RASGRF2: variants seen among roughly 807,000 people sequenced by gnomAD.
RASGRF2 encodes the protein Ras protein specific guanine nucleotide releasing factor 2, also known as ras-specific guanine nucleotide-releasing factor 2.
A neutral mutation model predicts 151.0 loss-of-function variants in RASGRF2; 76 were observed. That is an observed-to-expected ratio of 0.50 (90% confidence interval 0.42 to 0.61). The LOEUF (loss-of-function observed/expected upper bound fraction) is 0.61. RASGRF2 is among the 20% of genes least tolerant of loss of function. The pLI is 0.00. For missense variants in RASGRF2, 1,148 were observed against 1,564.6 expected, an observed-to-expected ratio of 0.73 and a Z score of 4.49; for synonymous variants, 504 against 566.5, an observed-to-expected ratio of 0.89 and a Z score of 1.57.
chr5:81,174,016 G>A lies in RASGRF2; in HGVS notation c.2687-6159G>A, dbSNP rs572178924. ...AGAATGAAGAAAGGAAGAATATCTC[G>A]GAGACAATAACTGAAACCCATATGT... On this transcript the variant is annotated intron_variant, in intron 17 of 26. Transcript: ENST00000265080. Among the ~76,000 whole-genome samples the A allele has an allele frequency of 3.9e-5, 6 of 152,292 alleles. No individual in the cohort carries two copies. In the East Asian group the frequency reaches 5.8e-4, roughly 15 times the overall value.
intron 17 of RASGRF2, among the ~76,000 whole-genome samples, chr5:81,144,881 C>G (rs981182521): frequency 6.6e-6 from 1 of 152,084 alleles, no homozygotes; most frequent in African/African-American, 2.4e-5. Context: ...AACCACCACC[C>G]TACTCTGCTT....
At chr5:80,979,324 G>A (rs1436671900) in intron 1 of RASGRF2, among the ~76,000 whole-genome samples, 1 of 152,170 alleles carries the variant, frequency 6.6e-6, no homozygotes, top group Admixed American at 6.5e-5. Context: ...AAATATAGTA[G>A]TCTAATTTCT....
chr5:81,095,641 T>C (rs927206903), intron 12 of RASGRF2, among the ~76,000 whole-genome samples: 1 of 152,332 alleles, frequency 6.6e-6, no homozygotes, highest in East Asian at 1.9e-4. Context: ...AGGGGAAAAG[T>C]GTTGCTATGT....
At position 80,969,479 on chromosome 5, in the gene RASGRF2, C is replaced by T. The variant is rs1459408804; in HGVS notation, c.288+8453C>T. 1.9e-4 allele frequency among the ~76,000 whole-genome samples: 28 copies of T among 146,100 alleles called. No individual in the cohort carries two copies. In the Admixed American group the frequency reaches 1.9e-3, roughly 10 times the overall value. ...CTTTTTTTTTTTTGAGACAGAGTCT[C>T]ACTCTGTCACCCACGCTGGAGTGCA... On this transcript the variant is annotated intron_variant, in intron 1 of 26. Transcript: ENST00000265080.
At position 81,059,714 on chromosome 5, in the gene RASGRF2, G is replaced by A. The variant is rs576836287; in HGVS notation, c.396-8318G>A. Among the ~76,000 whole-genome samples, 6 of 151,240 alleles carry A rather than the reference G, an allele frequency of 4.0e-5. No individual in the cohort carries two copies. The East Asian group carries it at 5.9e-4, about 15-fold the overall frequency. ...ATAAAAATTAGCCAGGCATGGTGGC[G>A]GGCACCTGTAATCCCAGCTATTCAG... is the stretch of plus-strand genomic sequence containing the variant. On this transcript the variant is annotated intron_variant, in intron 2 of 26. Transcript: ENST00000265080.
chr5:81,208,332 G>C, intron 21 of RASGRF2, 22 bp from the exon 22 acceptor site: 2 of 1,602,432 alleles, frequency 1.2e-6, no homozygotes, highest in African/African-American at 1.3e-5. Flanking sequence ...AATTGGTTTT[G>C]TGTTTTGTTT....
intron 15 of RASGRF2, among the ~76,000 whole-genome samples, chr5:81,120,002 C>A (rs1163389379): frequency 6.6e-6 from 1 of 152,116 alleles, no homozygotes; most frequent in African/African-American, 2.4e-5. Context: ...GGGCCCATGG[C>A]ACTTGGTGAA....
chr5:80,995,395 T>TAC (rs1748810984), intron 1 of RASGRF2, among the ~76,000 whole-genome samples: 1 of 53,556 alleles, frequency 1.9e-5, no homozygotes, highest in African/African-American at 5.7e-5. Flanking sequence ...TATATATATA[T>TAC]ATATACACAC....
chr5:81,136,005 T>A (rs973246936), intron 17 of RASGRF2, among the ~76,000 whole-genome samples: 2 of 152,196 alleles, frequency 1.3e-5, no homozygotes, highest in South Asian at 2.1e-4. Context: ...AATCATCCAA[T>A]ACATTGTTAT....
Position 81,042,984 on chromosome 5 carries a change from G to GTA in RASGRF2, c.395+4_395+5dup, listed in dbSNP as rs762918682. On this transcript the variant is annotated splice_donor_variant, in intron 2 of 26. Coordinates refer to ENST00000265080, the MANE Select transcript of RASGRF2 (RefSeq NM_006909.3). LOFTEE classifies it high-confidence loss of function. Reference sequence around the variant, plus strand: ...GGATGGAGGCCATTCACCAAGCCAGGTATAGGCTCAGTCTTCCTGTGTAGT... The same window carrying GTA: ...GGATGGAGGCCATTCACCAAGCCAGGTATATAGGCTCAGTCTTCCTGTGTAGT... The GTA allele has an allele frequency of 8.7e-6, 14 of 1,602,800 alleles. No homozygotes were observed. The Middle Eastern group carries it at 5.0e-4, about 57-fold the overall frequency.
intron 19 of RASGRF2, among the ~76,000 whole-genome samples, chr5:81,202,939 C>T (rs577530447): frequency 6.6e-6 from 1 of 152,392 alleles, no homozygotes; most frequent in East Asian, 1.9e-4. Context: ...TTACAGACCT[C>T]TGTCTGGAAG....
chr5:81,177,709 G>A (rs140532458), intron 17 of RASGRF2, among the ~76,000 whole-genome samples: 251 of 151,990 alleles, frequency 1.7e-3, no homozygotes, highest in Non-Finnish European at 2.9e-3. Flanking sequence ...GTAGATGTGT[G>A]TGGTGCCGTG....
At chr5:80,990,905 A>G (rs1748628137) in intron 1 of RASGRF2, among the ~76,000 whole-genome samples, 2 of 152,210 alleles carry the variant, frequency 1.3e-5, no homozygotes, top group Admixed American at 6.5e-5. Context: ...TTTGTGGGTC[A>G]TAGGAGTTTG....
intron 17 of RASGRF2, among the ~76,000 whole-genome samples, chr5:81,136,326 C>CAA (rs1753753843): frequency 6.6e-6 from 1 of 152,166 alleles, no homozygotes; most frequent in African/African-American, 2.4e-5. Flanking sequence ...CAGGGCAGGT[C>CAA]TGCCAGCAAT....
chr5:81,208,383 T>C lies in RASGRF2; in HGVS notation c.3101T>C (p.Leu1034Pro), dbSNP rs753285659. The change falls in exon 22 of 27, where the codon CTG becomes CCG. Residue 1034 changes from leucine to proline, a missense_variant. This residue lies in a region of RASGRF2 where 646 missense variants were observed against 807.4 expected (regional missense o/e 0.80). Transcript: ENST00000265080. The stretch of plus-strand genomic sequence containing the variant: ...TTTCTTGGGCAGGGGTGGATGAAGC[T>C]GGATAAAAACGAAAGAACTCCTTAC... Reference protein sequence around the residue: ...EEFLGQGWMKLDKNERTPYIM... With the variant: ...EEFLGQGWMKPDKNERTPYIM... 6.2e-7 allele frequency: 1 copy of C among 1,614,028 alleles called. No homozygotes were observed. The highest frequency in any genetic ancestry group is 8.5e-7 in the Non-Finnish European group (1 of 1,179,984).
At chr5:81,197,065 C>A (rs181222762) in intron 18 of RASGRF2, among the ~76,000 whole-genome samples, 9 of 152,332 alleles carry the variant, frequency 5.9e-5, no homozygotes, top group Admixed American at 5.9e-4. Context: ...AAAACATCAT[C>A]TGAAGCCTTA....
At chr5:81,036,443 C>G (rs1750496471) in intron 1 of RASGRF2, among the ~76,000 whole-genome samples, 1 of 151,994 alleles carries the variant, frequency 6.6e-6, no homozygotes, top group African/African-American at 2.4e-5. Context: ...ATATTGTTTA[C>G]TGCATAGCCA....
intron 1 of RASGRF2, among the ~76,000 whole-genome samples, chr5:80,968,178 T>C (rs1362051362): frequency 6.6e-6 from 1 of 152,246 alleles, no homozygotes; most frequent in East Asian, 1.9e-4. Context: ...CTCTTTGATA[T>C]TCCTCTTTTT....
chr5:81,162,200 G>C (rs1754400312), intron 17 of RASGRF2, among the ~76,000 whole-genome samples: 1 of 151,804 alleles, frequency 6.6e-6, no homozygotes, highest in Non-Finnish European at 1.5e-5. Context: ...TGGGGGTGGT[G>C]GGGGACATGG....
Sources: gnomAD v4.1 joint callset for allele counts (sites outside exome capture counted in the v4.1 genomes callset) on GRCh38, gnomAD v4.1.1 for gene constraint, gnomAD v4.1.1 regional missense constraint, MANE v1.5 for transcripts, NCBI Gene and HGNC (gene_info 2026-07-23, HGNC 2026-07-21) for gene names.